Variants in FNDC3B observed in about 807,000 individuals in gnomAD.
FNDC3B encodes the protein fibronectin type III domain-containing protein 3B.
Under a neutral mutation model 151.5 loss-of-function variants are expected in FNDC3B, and 12 were observed. The observed-to-expected ratio is 0.08, with a 90% confidence interval of 0.05 to 0.13. FNDC3B has a LOEUF of 0.13. Ranked by LOEUF, FNDC3B falls within the 10% of genes least tolerant of loss-of-function variation. FNDC3B has a pLI of 1.00. For missense variants in FNDC3B, 1,214 were observed against 1,505.3 expected, an observed-to-expected ratio of 0.81 and a Z score of 3.20; for synonymous variants, 528 against 549.0, an observed-to-expected ratio of 0.96 and a Z score of 0.54.
At chr3:172,283,019 A>G (rs925399678) in intron 6 of FNDC3B, among the ~76,000 whole-genome samples, 4 of 152,258 alleles carry the variant, frequency 2.6e-5, no homozygotes, top group African/African-American at 9.6e-5. Flanking sequence ...GAGAATGTCC[A>G]TCATGCAGGG....
chr3:172,243,738 A>G (rs1380538065), intron 4 of FNDC3B, among the ~76,000 whole-genome samples: 1 of 152,212 alleles, frequency 6.6e-6, no homozygotes, highest in African/African-American at 2.4e-5. Context: ...CTCCTCTTAT[A>G]TAGATACTGT....
At chr3:172,309,098 G>T (rs1731337498) in intron 10 of FNDC3B, among the ~76,000 whole-genome samples, 1 of 152,164 alleles carries the variant, frequency 6.6e-6, no homozygotes. Flanking sequence ...TTCCTCAATT[G>T]TAAATCAGAA....
intron 6 of FNDC3B, among the ~76,000 whole-genome samples, chr3:172,261,538 T>G (rs1728647324): frequency 6.6e-6 from 1 of 152,238 alleles, no homozygotes; most frequent in South Asian, 2.1e-4. Context: ...TTAAATTTAA[T>G]TTGCTCAACC....
intron 4 of FNDC3B, among the ~76,000 whole-genome samples, chr3:172,232,025 C>T (rs538053408): frequency 2.6e-5 from 4 of 151,820 alleles, no homozygotes; most frequent in East Asian, 1.9e-4. Context: ...GGATTACAGG[C>T]GCGCATCACC....
chr3:172,082,280 C>T (rs979258227), intron 1 of FNDC3B, among the ~76,000 whole-genome samples: 102 of 152,306 alleles, frequency 6.7e-4, no homozygotes, highest in African/African-American at 2.5e-3. Context: ...TGTGAATAAA[C>T]TTAGCTTTAT....
At position 172,112,536 on chromosome 3, in the gene FNDC3B, G is replaced by C; in HGVS notation, c.57G>C (p.Leu19=). Reference sequence around the variant, plus strand: ...TCCCTCTGGAACTGCCACCATTGCTGAACGGAGAGGTAGCCATGATGCCCC... The same window carrying C: ...TCCCTCTGGAACTGCCACCATTGCTCAACGGAGAGGTAGCCATGATGCCCC... The part of the protein sequence containing the change: ...DQIPLELPPL[L]NGEVAMMPHL... Residue 19 remains leucine, a synonymous_variant, in exon 2 of 26, where the codon CTG becomes CTC. Transcript: ENST00000415807. 6.2e-7 allele frequency: 1 copy of C among 1,614,170 alleles called. No homozygotes were observed. The highest frequency in any genetic ancestry group is 8.5e-7 in the Non-Finnish European group (1 of 1,179,994).
At chr3:172,275,351 T>C (rs181701847) in intron 6 of FNDC3B, among the ~76,000 whole-genome samples, 1 of 152,340 alleles carries the variant, frequency 6.6e-6, no homozygotes, top group East Asian at 1.9e-4. Flanking sequence ...ATGAATGTCA[T>C]GTTTTGAACA....
rs77268060 is a variant in FNDC3B, at chr3:172,200,085, T to C, written c.188-26786T>C. 7.4e-3 allele frequency among the ~76,000 whole-genome samples: 1,128 copies of C among 152,276 alleles called. 18 individuals carry two copies. The highest frequency in any genetic ancestry group is 0.024 in the African/African-American group (1,013 of 41,542). ...TTGCGGGGGCCAGAGCCTATCCTGATATTACAAGGAACAGATGGAACCCAC... is the reference window on the plus strand; with the variant it reads ...TTGCGGGGGCCAGAGCCTATCCTGACATTACAAGGAACAGATGGAACCCAC... On this transcript the variant is annotated intron_variant, in intron 3 of 25. Coordinates refer to ENST00000415807, the MANE Select transcript of FNDC3B (RefSeq NM_022763.4).
chr3:172,242,016 G>A (rs1727520302), intron 4 of FNDC3B, among the ~76,000 whole-genome samples: 1 of 152,204 alleles, frequency 6.6e-6, no homozygotes, highest in Admixed American at 6.5e-5. Flanking sequence ...GGAGAAATTG[G>A]CCCAAACAAA....
At chr3:172,317,109 C>A (rs1196887203) in intron 11 of FNDC3B, 1 of 445,368 alleles carries the variant, frequency 2.2e-6, no homozygotes, top group African/African-American at 2.1e-5. Context: ...GCCCTTGTGA[C>A]CTAATCACCT....
At chr3:172,323,423 A>G (rs73167275) in intron 11 of FNDC3B, among the ~76,000 whole-genome samples, 20,124 of 152,082 alleles carry the variant, frequency 0.13, 1,662 homozygotes, top group South Asian at 0.29. Flanking sequence ...TGAGAAGGAG[A>G]ATCCCTTGAG....
At chr3:172,295,296 C>T in intron 7 of FNDC3B, 67 bp from the exon 8 acceptor site, 2 of 1,448,686 alleles carry the variant, frequency 1.4e-6, no homozygotes, top group South Asian at 1.3e-5. Flanking sequence ...AGTTTTATGC[C>T]ACTACTAATA....
chr3:172,133,079 A>T (rs950006824), intron 2 of FNDC3B, among the ~76,000 whole-genome samples: 9 of 152,182 alleles, frequency 5.9e-5, no homozygotes, highest in African/African-American at 2.2e-4. Flanking sequence ...ACACTTGGGA[A>T]CAGTATGCAG....
chr3:172,202,139 A>T (rs1026612716), intron 3 of FNDC3B, among the ~76,000 whole-genome samples: 1 of 152,226 alleles, frequency 6.6e-6, no homozygotes, highest in Admixed American at 6.5e-5. Flanking sequence ...GACTGAGTTG[A>T]GTCGGCCATC....
intron 6 of FNDC3B, among the ~76,000 whole-genome samples, chr3:172,271,044 T>C (rs1392726618): frequency 6.6e-6 from 1 of 152,228 alleles, no homozygotes; most frequent in Non-Finnish European, 1.5e-5. Flanking sequence ...GGTCTTGTAT[T>C]TCCTTCCAGC....
At chr3:172,268,696 G>A (rs1044737397) in intron 6 of FNDC3B, among the ~76,000 whole-genome samples, 3 of 152,184 alleles carry the variant, frequency 2.0e-5, no homozygotes, top group African/African-American at 7.2e-5. Flanking sequence ...GCAAAGCTGA[G>A]GGGAGATCAC....
At chr3:172,188,703 C>T (rs1321638599) in intron 3 of FNDC3B, among the ~76,000 whole-genome samples, 1 of 152,154 alleles carries the variant, frequency 6.6e-6, no homozygotes, top group Admixed American at 6.5e-5. Context: ...CGGCTCCCGG[C>T]CCGAAACTGA....
intron 6 of FNDC3B, among the ~76,000 whole-genome samples, chr3:172,269,996 C>G (rs1239510704): frequency 6.6e-6 from 1 of 152,182 alleles, no homozygotes; most frequent in East Asian, 1.9e-4. Flanking sequence ...TATTCTTAGT[C>G]ACTTGAGTGG....
intron 6 of FNDC3B, among the ~76,000 whole-genome samples, chr3:172,282,006 A>C (rs1729755033): frequency 6.6e-6 from 1 of 152,166 alleles, no homozygotes; most frequent in Non-Finnish European, 1.5e-5. Context: ...AAACTGTTTT[A>C]TGGAAAGAGT....
Sources: allele counts gnomAD v4.1 joint callset (sites outside exome capture counted in the v4.1 genomes callset), GRCh38; gene constraint gnomAD v4.1.1; transcripts MANE v1.5; gene names NCBI Gene and HGNC (gene_info 2026-07-23, HGNC 2026-07-21).